The following ZNF804B variants were observed in gnomAD, a reference collection of about 807,000 sequenced individuals.
ZNF804B encodes zinc finger protein 804B, also known as zinc finger 804B.
ZNF804B carries 80 observed loss-of-function variants against 101.4 expected under a neutral mutation model. The observed-to-expected ratio is 0.79, with a 90% CI of 0.66 to 0.95. The LOEUF (loss-of-function observed/expected upper bound fraction) is 0.95. Ranked by LOEUF, ZNF804B falls within the 40% of genes least tolerant of loss-of-function variation. The pLI, the probability that ZNF804B is intolerant of heterozygous loss-of-function variation, is 0.00. For synonymous variants in ZNF804B, 622 were observed against 558.8 expected, an observed-to-expected ratio of 1.11 and a Z score of -1.59; for missense variants, 1,673 against 1,561.9, an observed-to-expected ratio of 1.07 and a Z score of -1.20.
At chr7:89,050,163 T>C (rs1355545991) in intron 1 of ZNF804B, among the ~76,000 whole-genome samples, 1 of 152,138 alleles carries the variant, frequency 6.6e-6, no homozygotes, top group Non-Finnish European at 1.5e-5. Flanking sequence ...GAAGATAAAG[T>C]TTTAAAAAAA....
intron 1 of ZNF804B, among the ~76,000 whole-genome samples, chr7:89,145,811 G>A (rs1039377814): frequency 6.6e-6 from 1 of 152,018 alleles, no homozygotes; most frequent in South Asian, 2.1e-4. Context: ...TAATCCAGAG[G>A]ATAAATCCTC....
chr7:89,190,057 TCCAG>T (rs1788430385), intron 1 of ZNF804B, among the ~76,000 whole-genome samples: 1 of 152,128 alleles, frequency 6.6e-6, no homozygotes, highest in South Asian at 2.1e-4. Flanking sequence ...ATAAGTTGTT[TCCAG>T]CCCTCATAAA....
intron 1 of ZNF804B, among the ~76,000 whole-genome samples, chr7:88,844,873 C>G (rs895543780): frequency 6.6e-6 from 1 of 152,082 alleles, no homozygotes; most frequent in African/African-American, 2.4e-5. Context: ...TTAAATAATC[C>G]TTAATTGTTG....
chr7:88,967,828 C>T (rs724988), intron 1 of ZNF804B, among the ~76,000 whole-genome samples: 2,347 of 151,180 alleles, frequency 0.016, 63 homozygotes, highest in African/African-American at 0.055. Flanking sequence ...GTTCCTGGAG[C>T]CAGAGAAGGG....
chr7:89,033,670 A>C (rs1015948677), intron 1 of ZNF804B, among the ~76,000 whole-genome samples: 1 of 152,172 alleles, frequency 6.6e-6, no homozygotes, highest in Non-Finnish European at 1.5e-5. Flanking sequence ...TAAAAAAAAA[A>C]TTATGTAAAT....
At chr7:89,113,078 T>A (rs1194438684) in intron 1 of ZNF804B, among the ~76,000 whole-genome samples, 1 of 152,116 alleles carries the variant, frequency 6.6e-6, no homozygotes, top group Non-Finnish European at 1.5e-5. Flanking sequence ...TTAGGAAATA[T>A]AAAAATGTTC....
intron 1 of ZNF804B, among the ~76,000 whole-genome samples, chr7:88,858,393 A>G (rs1197581811): frequency 6.6e-6 from 1 of 152,190 alleles, no homozygotes; most frequent in African/African-American, 2.4e-5. Flanking sequence ...CATGAATATT[A>G]CTTGAAGTCA....
chr7:89,117,333 G>T (rs990652859), intron 1 of ZNF804B, among the ~76,000 whole-genome samples: 4 of 152,198 alleles, frequency 2.6e-5, no homozygotes, highest in African/African-American at 9.6e-5. Flanking sequence ...CATGTATACA[G>T]AAAACTATAG....
At chr7:88,872,226 G>C (rs1391784618) in intron 1 of ZNF804B, among the ~76,000 whole-genome samples, 1 of 152,120 alleles carries the variant, frequency 6.6e-6, no homozygotes, top group Non-Finnish European at 1.5e-5. Context: ...GCACAGTTCA[G>C]TATTACACAG....
intron 1 of ZNF804B, among the ~76,000 whole-genome samples, chr7:88,871,711 C>T (rs532716679): frequency 1.9e-4 from 29 of 152,188 alleles, no homozygotes; most frequent in African/African-American, 6.5e-4. Flanking sequence ...CACCTGTAAT[C>T]CCAGCACTTT....
intron 1 of ZNF804B, among the ~76,000 whole-genome samples, chr7:89,167,618 AT>A (rs951501501): frequency 3.9e-5 from 6 of 152,132 alleles, no homozygotes; most frequent in Non-Finnish European, 8.8e-5. Flanking sequence ...ATTGTGAACA[AT>A]TGGGAAAATA....
intron 1 of ZNF804B, among the ~76,000 whole-genome samples, chr7:88,938,778 T>C (rs535766220): frequency 6.6e-6 from 1 of 151,844 alleles, no homozygotes; most frequent in East Asian, 1.9e-4. Flanking sequence ...TTAACAAGAA[T>C]AAAACTGAAG....
At chr7:89,187,389 A>G (rs1430220311) in intron 1 of ZNF804B, among the ~76,000 whole-genome samples, 2 of 152,188 alleles carry the variant, frequency 1.3e-5, no homozygotes, top group African/African-American at 4.8e-5. Flanking sequence ...TTAGTCACTT[A>G]TCTTGAATGA....
chr7:89,017,069 T>A (rs553195650), intron 1 of ZNF804B, among the ~76,000 whole-genome samples: 53 of 152,302 alleles, frequency 3.5e-4, no homozygotes, highest in African/African-American at 1.2e-3. Flanking sequence ...GTAAGTTAGA[T>A]TCCTAGGTAT....
chr7:89,285,605 A>T (rs912899995), intron 2 of ZNF804B, among the ~76,000 whole-genome samples: 2 of 143,308 alleles, frequency 1.4e-5, no homozygotes, highest in East Asian at 1.9e-4. Flanking sequence ...AAGAGAAGGG[A>T]TATCTGCCTG....
chr7:88,776,935 A>G (rs576705310), intron 1 of ZNF804B, among the ~76,000 whole-genome samples: 17 of 152,268 alleles, frequency 1.1e-4, no homozygotes, highest in African/African-American at 3.8e-4. Flanking sequence ...GATGTGTTAA[A>G]AAGCCTGAGG....
At chr7:88,764,894 G>A (rs1379846198) in intron 1 of ZNF804B, among the ~76,000 whole-genome samples, 2 of 152,064 alleles carry the variant, frequency 1.3e-5, no homozygotes, top group East Asian at 3.9e-4. Context: ...ATTTTCAGAC[G>A]TTTTCAATAA....
rs554371534 is a variant in ZNF804B at position 88,894,121 on chromosome 7, T to G, written c.108+134037T>G. Among the ~76,000 whole-genome samples the G allele has an allele frequency of 3.3e-5, 5 of 152,270 alleles. No homozygotes were observed. In the East Asian group the frequency reaches 7.7e-4, roughly 23 times the overall value. On this transcript the variant is annotated intron_variant, in intron 1 of 3. Coordinates refer to ENST00000333190, the MANE Select transcript of ZNF804B (RefSeq NM_181646.5). ...TATCAAAGTATGGATAAAACACTCT[T>G]TATAAGTGTTGGAAAATAGTTAATT...
chr7:89,164,740 A>G (rs998021688), intron 1 of ZNF804B, among the ~76,000 whole-genome samples: 4 of 152,254 alleles, frequency 2.6e-5, no homozygotes, highest in Admixed American at 6.6e-5. Context: ...TGTTGTAATC[A>G]TATAATTTGG....
Sources: allele counts gnomAD v4.1 joint callset (sites outside exome capture counted in the v4.1 genomes callset), GRCh38; gene constraint gnomAD v4.1.1; transcripts MANE v1.5; gene names NCBI Gene and HGNC (gene_info 2026-07-23, HGNC 2026-07-21).